CLINT1: variants seen among roughly 807,000 people sequenced by gnomAD.
The protein encoded by CLINT1 is clathrin interactor 1, also known as clathrin interacting protein localized in the trans-Golgi region.
A neutral mutation model predicts 70.4 loss-of-function variants in CLINT1; 15 were observed. The ratio of observed to expected loss-of-function variants is 0.21; its 90% CI spans 0.14 to 0.33. CLINT1 has a LOEUF of 0.33. Ranked by LOEUF, CLINT1 falls within the 10% of genes least tolerant of loss-of-function variation. The pLI, the probability that CLINT1 is intolerant of heterozygous loss-of-function variation, is 1.00. For missense variants in CLINT1, 615 were observed against 778.1 expected (o/e 0.79, Z 2.49); for synonymous variants, 227 against 254.7 (o/e 0.89, Z 1.04).
chr5:157,790,229 G>A (rs1415347367), intron 10 of CLINT1: 1 of 165,234 alleles, frequency 6.1e-6, no homozygotes, highest in African/African-American at 2.4e-5. Context: ...AGAGAATTCA[G>A]GATATGATGT....
chr5:157,854,450 G>A (rs1753680460), intron 1 of CLINT1, among the ~76,000 whole-genome samples: 1 of 152,168 alleles, frequency 6.6e-6, no homozygotes, highest in African/African-American at 2.4e-5. Context: ...AGCCACGCAT[G>A]GAGGCGCAGC....
intron 8 of CLINT1, among the ~76,000 whole-genome samples, chr5:157,798,220 A>ATG (rs1485955033): frequency 1.8e-4 from 28 of 152,304 alleles, no homozygotes; most frequent in African/African-American, 6.7e-4. Flanking sequence ...TTCCCAGAAA[A>ATG]CTTCTATCTA....
intron 8 of CLINT1, among the ~76,000 whole-genome samples, chr5:157,799,458 C>A (rs893426789): frequency 2.0e-5 from 3 of 151,966 alleles, no homozygotes; most frequent in African/African-American, 7.2e-5. Flanking sequence ...TAAAAACATT[C>A]AAAATATATT....
intron 1 of CLINT1, among the ~76,000 whole-genome samples, chr5:157,834,460 T>TA (rs1763351413): frequency 1.3e-5 from 2 of 152,136 alleles, no homozygotes; most frequent in Admixed American, 1.3e-4. Context: ...CAAAAATTCT[T>TA]AAATAGCTTC....
intron 6 of CLINT1, among the ~76,000 whole-genome samples, chr5:157,808,360 T>C (rs1762448881): frequency 6.6e-6 from 1 of 152,092 alleles, no homozygotes; most frequent in South Asian, 2.1e-4. Context: ...ATTAGGATTT[T>C]TGGCGCAGGG....
intron 2 of CLINT1, 87 bp from the exon 3 acceptor site, chr5:157,816,917 A>C (rs1408271167): frequency 2.2e-6 from 2 of 919,000 alleles, no homozygotes; most frequent in Non-Finnish European, 3.3e-6. Context: ...TGTTTCCCTG[A>C]AGAGTTTTTA....
At chr5:157,857,737 C>T (rs1753803905) in intron 1 of CLINT1, among the ~76,000 whole-genome samples, 1 of 152,210 alleles carries the variant, frequency 6.6e-6, no homozygotes, top group South Asian at 2.1e-4. Flanking sequence ...TTTGCAGGTT[C>T]TGAAACCTGT....
At position 157,787,428 on chromosome 5, in the gene CLINT1, GA is replaced by G; in HGVS notation, c.*217del. The stretch of plus-strand genomic sequence containing the variant: ...ACCCACTTGTGGTCTATCCTCACTG[GA>G]AAAAAATGATTTTGACTGCCTCATC... On this transcript the variant is annotated 3_prime_UTR_variant, in exon 12 of 12. Coordinates refer to ENST00000411809, the MANE Select transcript of CLINT1 (RefSeq NM_014666.4). 7 of 580,266 alleles carry G rather than the reference GA, an allele frequency of 1.2e-5. No homozygotes were observed. The highest frequency in any genetic ancestry group is 3.1e-5 in the Admixed American group (1 of 32,364). The allele number at this position is 580,266 out of a possible 1,614,324, so 35.9% of individuals were successfully genotyped here. A position where few individuals can be genotyped will look rare whatever the true frequency, so the allele number is the denominator to read the frequency against.
chr5:157,816,079 C>T (rs1762714575), intron 3 of CLINT1, among the ~76,000 whole-genome samples: 2 of 152,118 alleles, frequency 1.3e-5, no homozygotes, highest in African/African-American at 4.8e-5. Flanking sequence ...GGGAATGACA[C>T]TGAATGTTTT....
chr5:157,787,525 T>G lies in CLINT1; in HGVS notation c.*121A>C. ...TTATAAAACAGCCTTTTTGGTTCTT[T>G]ATGTAGATTTATTTTAATTACTTGA... On this transcript the variant is annotated 3_prime_UTR_variant, in exon 12 of 12. Coordinates refer to ENST00000411809, the MANE Select transcript of CLINT1 (RefSeq NM_014666.4). The G allele has an allele frequency of 1.1e-6, 1 of 884,920 alleles. No individual in the cohort carries two copies. The highest frequency in any genetic ancestry group is 1.7e-6 in the Non-Finnish European group (1 of 571,716). The allele number at this position is 884,920 out of a possible 1,614,324, so 54.8% of individuals were successfully genotyped here.
chr5:157,823,811 G>T, intron 1 of CLINT1: 2 of 422,160 alleles, frequency 4.7e-6, no homozygotes, highest in Non-Finnish European at 6.3e-6. Flanking sequence ...TGGGAATGGG[G>T]CTGCATGGCA....
rs141586646 is a variant in CLINT1 at position 157,818,913 on chromosome 5, G to A, written c.42-1366C>T. Among the ~76,000 whole-genome samples the A allele has an allele frequency of 1.6e-3, 243 of 152,224 alleles. 2 individuals are homozygous for A. The highest frequency in any genetic ancestry group is 5.5e-3 in the African/African-American group (227 of 41,536). On this transcript the variant is annotated intron_variant, in intron 1 of 11. Transcript: ENST00000411809. ...AAGCTCCAATTATTACCAAATAATTGTTATAACAGGTGTCTGTGAATATGG... is the reference window on the plus strand; with the variant it reads ...AAGCTCCAATTATTACCAAATAATTATTATAACAGGTGTCTGTGAATATGG...
chr5:157,804,305 T>C (rs2113171535), intron 7 of CLINT1, among the ~76,000 whole-genome samples: 1 of 152,316 alleles, frequency 6.6e-6, no homozygotes, highest in Admixed American at 6.5e-5. Context: ...TATTGATATG[T>C]TTCATATTTA....
rs140368539 is a variant in CLINT1, at chr5:157,844,854, T to C, written c.41+14076A>G. Among the ~76,000 whole-genome samples the C allele has an allele frequency of 8.9e-3, 1,355 of 152,358 alleles. 9 individuals are homozygous for C. The highest frequency in any genetic ancestry group is 0.015 in the Non-Finnish European group (1,007 of 68,038). ...CAAATGTAAAAATATTTTTTACAAT[T>C]GCTTACAGAGAACACCTTCATAACA... On this transcript the variant is annotated intron_variant, in intron 1 of 11. Coordinates refer to ENST00000411809, the MANE Select transcript of CLINT1 (RefSeq NM_014666.4).
intron 1 of CLINT1, 56 bp downstream of exon 1, chr5:157,858,874 T>TCCCCCCCCCCCCCCC: frequency 2.1e-6 from 2 of 957,432 alleles, no homozygotes; most frequent in Non-Finnish European, 1.5e-6. Context: ...CAGCTCCTTC[T>TCCCCCCCCCCCCCCC]CCCCCTCCCC....
intron 1 of CLINT1, among the ~76,000 whole-genome samples, chr5:157,830,763 T>C (rs867094459): frequency 1.6e-3 from 108 of 67,528 alleles, no homozygotes; most frequent in African/African-American, 5.3e-3. Context: ...TCTCCCTCTC[T>C]CTCTCTCTCT....
At chr5:157,788,599 G>A (rs990877422) in intron 11 of CLINT1, among the ~76,000 whole-genome samples, 1 of 152,070 alleles carries the variant, frequency 6.6e-6, no homozygotes, top group African/African-American at 2.4e-5. Flanking sequence ...TTCAACACAG[G>A]GAAAATGATA....
In CLINT1 at chr5:157,859,003, T is replaced by C. The variant is rs1339294308; in HGVS notation, c.-33A>G. On this transcript the variant is annotated 5_prime_UTR_variant, in exon 1 of 12. Transcript: ENST00000411809. ...CGCGCGGGACGGTCCGCCGCCTCCC[T>C]CTCCTGCTCCCCACGGACCCCGGAA... 1.2e-6 allele frequency: 2 copies of C among 1,605,230 alleles called. No homozygotes were observed. Among genetic ancestry groups the C allele is most frequent in the Non-Finnish European group, 1.7e-6 (2 of 1,175,694 alleles).
intron 11 of CLINT1, among the ~76,000 whole-genome samples, chr5:157,788,627 A>C (rs1761799891): frequency 6.6e-6 from 1 of 152,218 alleles, no homozygotes; most frequent in Non-Finnish European, 1.5e-5. Context: ...GTTGAATAAG[A>C]AACAGTATAG....
Sources: allele counts gnomAD v4.1 joint callset (sites outside exome capture counted in the v4.1 genomes callset), GRCh38; gene constraint gnomAD v4.1.1; transcripts MANE v1.5; gene names NCBI Gene and HGNC (gene_info 2026-07-23, HGNC 2026-07-21).